ANKFN1: variants seen among roughly 807,000 people sequenced by gnomAD.
ANKFN1 encodes the protein ankyrin repeat and fibronectin type-III domain-containing protein 1.
Under a neutral mutation model 108.7 loss-of-function variants are expected in ANKFN1, and 74 were observed. The ratio of observed to expected loss-of-function variants is 0.68; its 90% confidence interval spans 0.56 to 0.83. The LOEUF is 0.83. ANKFN1 is among the 40% of genes least tolerant of loss of function. ANKFN1 has a pLI of 0.00. For missense variants in ANKFN1, 1,505 were observed against 1,382.3 expected, an observed-to-expected ratio of 1.09 and a Z score of -1.41; for synonymous variants, 547 against 516.2, an observed-to-expected ratio of 1.06 and a Z score of -0.81.
At chr17:56,263,757 C>G (rs1390182249) in intron 3 of ANKFN1, among the ~76,000 whole-genome samples, 1 of 152,208 alleles carries the variant, frequency 6.6e-6, no homozygotes, top group Non-Finnish European at 1.5e-5. Flanking sequence ...GGTCTTCAGG[C>G]TATACTTCCA....
intron 3 of ANKFN1, among the ~76,000 whole-genome samples, chr17:56,305,705 A>G (rs752062953): frequency 6.6e-6 from 1 of 152,200 alleles, no homozygotes; most frequent in Non-Finnish European, 1.5e-5. Flanking sequence ...CCAAGTTTTA[A>G]AACTCTTCCT....
At chr17:56,368,591 T>A (rs2046727831) in intron 6 of ANKFN1, among the ~76,000 whole-genome samples, 1 of 149,902 alleles carries the variant, frequency 6.7e-6, no homozygotes, top group Admixed American at 6.7e-5. Flanking sequence ...AAAATGGACC[T>A]TTTTTTTTAA....
intron 6 of ANKFN1, among the ~76,000 whole-genome samples, chr17:56,363,257 C>T (rs576684362): frequency 1.3e-5 from 2 of 151,862 alleles, no homozygotes; most frequent in African/African-American, 2.4e-5. Context: ...AAGCAAGGAA[C>T]CTGAATAGGG....
At chr17:56,331,686 GT>G (rs768594236) in intron 4 of ANKFN1, among the ~76,000 whole-genome samples, 56 of 152,296 alleles carry the variant, frequency 3.7e-4, no homozygotes, top group Non-Finnish European at 6.6e-4. Context: ...TCTTGGACAG[GT>G]TAGCTAACCT....
In ANKFN1 at chr17:56,092,495, C is replaced by T. The variant is rs189996033; in HGVS notation, c.288+46170C>T. Among the ~76,000 whole-genome samples the T allele has an allele frequency of 9.9e-3, 1,491 of 150,928 alleles. 66 individuals carry two copies. The highest frequency in any genetic ancestry group is 0.024 in the Middle Eastern group (7 of 288). ...TTCACTGTGTTAGCCAGGATGGTCT[C>T]GATCTCCTGACCTCATGATCCACCC... On this transcript the variant is annotated intron_variant, in intron 4 of 12. Coordinates refer to the ANKFN1 transcript ENST00000635860.
chr17:56,218,559 T>C (rs1472281576), intron 2 of ANKFN1, among the ~76,000 whole-genome samples: 1 of 152,160 alleles, frequency 6.6e-6, no homozygotes, highest in South Asian at 2.1e-4. Flanking sequence ...ACTTCACACA[T>C]GTTGTTTTCA....
intron 3 of ANKFN1, among the ~76,000 whole-genome samples, chr17:56,259,461 G>A (rs926244738): frequency 6.6e-6 from 1 of 152,132 alleles, no homozygotes; most frequent in Non-Finnish European, 1.5e-5. Context: ...GAAACTCCCT[G>A]ACTTCAGGAG....
intron 3 of ANKFN1, among the ~76,000 whole-genome samples, chr17:56,266,620 T>C (rs1428174653): frequency 1.3e-5 from 2 of 151,948 alleles, no homozygotes; most frequent in Non-Finnish European, 2.9e-5. Flanking sequence ...TAGACATTCC[T>C]ACAAGGAGCT....
chr17:56,253,364 C>T (rs2043281058), intron 3 of ANKFN1, among the ~76,000 whole-genome samples: 1 of 152,204 alleles, frequency 6.6e-6, no homozygotes, highest in East Asian at 1.9e-4. Flanking sequence ...ATTAATTCAG[C>T]AGTGAATTCT....
At chr17:56,307,748 G>A (rs12601903) in intron 3 of ANKFN1, among the ~76,000 whole-genome samples, 16,519 of 152,058 alleles carry the variant, frequency 0.11, 936 homozygotes, top group African/African-American at 0.16. Flanking sequence ...AAAGGATTAT[G>A]AATCATGCTA....
intron 11 of ANKFN1, among the ~76,000 whole-genome samples, chr17:56,450,232 G>A (rs1429817589): frequency 1.3e-5 from 2 of 151,844 alleles, no homozygotes; most frequent in East Asian, 3.9e-4. Flanking sequence ...GGGCAACAGG[G>A]CAAGACTCTG....
intron 3 of ANKFN1, among the ~76,000 whole-genome samples, chr17:56,293,554 G>A (rs940973567): frequency 3.3e-5 from 5 of 152,200 alleles, no homozygotes; most frequent in African/African-American, 1.2e-4. Flanking sequence ...ATTCAGGACA[G>A]TACAAAGTGA....
chr17:56,095,464 G>T (rs558859246), intron 4 of ANKFN1, among the ~76,000 whole-genome samples: 3 of 150,816 alleles, frequency 2.0e-5, no homozygotes, highest in African/African-American at 7.3e-5. Flanking sequence ...GCTAATTTTT[G>T]CGTCTTTTTG....
intron 8 of ANKFN1, among the ~76,000 whole-genome samples, chr17:56,395,773 C>T (rs937194344): frequency 6.6e-6 from 1 of 152,050 alleles, no homozygotes; most frequent in Admixed American, 6.5e-5. Flanking sequence ...CACTTGAACC[C>T]GGAAGGTGGA....
At chr17:56,462,469 C>G (rs2049937005) in intron 14 of ANKFN1, among the ~76,000 whole-genome samples, 1 of 152,118 alleles carries the variant, frequency 6.6e-6, no homozygotes, top group Non-Finnish European at 1.5e-5. Context: ...TGGCGCATGC[C>G]TATAATCCCT....
At chr17:56,071,015 T>C (rs1307069129) in intron 4 of ANKFN1, among the ~76,000 whole-genome samples, 3 of 152,200 alleles carry the variant, frequency 2.0e-5, no homozygotes, top group South Asian at 4.1e-4. Context: ...ATTACAGGCA[T>C]AAGCCACCGT....
intron 3 of ANKFN1, among the ~76,000 whole-genome samples, chr17:56,233,392 A>G (rs1916878848): frequency 6.6e-6 from 1 of 152,082 alleles, no homozygotes; most frequent in Non-Finnish European, 1.5e-5. Context: ...GATGACAACA[A>G]TGTACATTTT....
intron 10 of ANKFN1, 80 bp downstream of exon 10, chr17:56,443,013 C>A: frequency 7.1e-7 from 1 of 1,414,968 alleles, no homozygotes; most frequent in Non-Finnish European, 9.9e-7. Context: ...CATTGCCATT[C>A]CCTTCCCCCA....
chr17:56,387,118 A>G (rs1215147328), intron 8 of ANKFN1, among the ~76,000 whole-genome samples: 1 of 151,952 alleles, frequency 6.6e-6, no homozygotes, highest in African/African-American at 2.4e-5. Flanking sequence ...TGATTCATAA[A>G]TTCTATTTTA....
Sources: allele counts gnomAD v4.1 joint callset (sites outside exome capture counted in the v4.1 genomes callset), GRCh38; gene constraint gnomAD v4.1.1; transcripts MANE v1.5; gene names NCBI Gene and HGNC (gene_info 2026-07-23, HGNC 2026-07-21).